The following GDA variants were observed in gnomAD, a reference collection of about 807,000 sequenced individuals.
The protein encoded by GDA is guanine deaminase, also known as cytoplasmic PSD-95 interactor.
In GDA, 18 loss-of-function variants were observed where a neutral mutation model predicts 59.6. That is an observed-to-expected ratio of 0.30 (90% CI 0.21 to 0.45). The LOEUF is 0.45. Ranked by LOEUF, GDA falls within the 20% of genes least tolerant of loss-of-function variation. The probability of loss-of-function intolerance (pLI) is 1.00; values close to 1 mark genes in which losing one functional copy is unlikely to be tolerated. For synonymous variants in GDA, 201 were observed against 201.1 expected (o/e 1.00, Z 0.00); for missense variants, 427 against 552.3 (o/e 0.77, Z 2.27).
chr9:72,123,952 C>T (rs1427922157), intron 1 of GDA, among the ~76,000 whole-genome samples: 3 of 152,020 alleles, frequency 2.0e-5, no homozygotes, highest in Admixed American at 6.6e-5. Flanking sequence ...AGAAGAGGTC[C>T]AAAGACAGTG....
intron 5 of GDA, among the ~76,000 whole-genome samples, chr9:72,218,452 A>C (rs1367524979): frequency 2.0e-5 from 3 of 152,190 alleles, no homozygotes; most frequent in Non-Finnish European, 4.4e-5. Context: ...ATCCCAGCTT[A>C]TCTATTAATC....
At chr9:72,129,962 C>T (rs542073567) in intron 1 of GDA, among the ~76,000 whole-genome samples, 57 of 152,208 alleles carry the variant, frequency 3.7e-4, no homozygotes, top group African/African-American at 1.3e-3. Context: ...GAATTTCATC[C>T]CCTGGAAGTT....
intron 11 of GDA, among the ~76,000 whole-genome samples, chr9:72,244,065 T>C (rs564764551): frequency 6.6e-6 from 1 of 151,708 alleles, no homozygotes; most frequent in Admixed American, 6.6e-5. Flanking sequence ...TAGTCCTAGC[T>C]ACTCGGGAGG....
At chr9:72,235,288 A>T (rs1254595931) in intron 10 of GDA, among the ~76,000 whole-genome samples, 1 of 152,218 alleles carries the variant, frequency 6.6e-6, no homozygotes, top group Non-Finnish European at 1.5e-5. Flanking sequence ...CACTTATTTT[A>T]AAAACTGAGT....
intron 3 of GDA, among the ~76,000 whole-genome samples, chr9:72,206,344 T>C (rs181576554): frequency 6.6e-6 from 1 of 152,302 alleles, no homozygotes; most frequent in East Asian, 1.9e-4. Context: ...CGTCCTATGT[T>C]ATATCATCTG....
At chr9:72,201,043 A>T (rs1055444215) in intron 2 of GDA, among the ~76,000 whole-genome samples, 1 of 152,194 alleles carries the variant, frequency 6.6e-6, no homozygotes, top group South Asian at 2.1e-4. Flanking sequence ...TCTTGTGAAC[A>T]TTACATCATC....
intron 1 of GDA, among the ~76,000 whole-genome samples, chr9:72,185,462 C>G (rs1247721986): frequency 6.6e-6 from 1 of 152,126 alleles, no homozygotes; most frequent in Non-Finnish European, 1.5e-5. Flanking sequence ...GTTTTTTCCC[C>G]CACTTTGGTT....
intron 1 of GDA, among the ~76,000 whole-genome samples, chr9:72,167,145 A>G (rs559949645): frequency 1.3e-5 from 2 of 152,264 alleles, no homozygotes; most frequent in South Asian, 4.1e-4. Context: ...TGTTTAGGAA[A>G]TGACCCCCAG....
At chr9:72,152,562 G>A (rs1827340888) in intron 1 of GDA, among the ~76,000 whole-genome samples, 1 of 152,132 alleles carries the variant, frequency 6.6e-6, no homozygotes, top group Non-Finnish European at 1.5e-5. Flanking sequence ...ATTTTTTCAT[G>A]TGTCTTTTGG....
At chr9:72,132,417 C>T (rs1264055714) in intron 1 of GDA, among the ~76,000 whole-genome samples, 3 of 152,074 alleles carry the variant, frequency 2.0e-5, no homozygotes, top group Non-Finnish European at 4.4e-5. Flanking sequence ...TAGGATGGCT[C>T]CTAGGACCAT....
intron 1 of GDA, among the ~76,000 whole-genome samples, chr9:72,170,887 T>C (rs904276989): frequency 6.6e-6 from 1 of 152,124 alleles, no homozygotes; most frequent in Non-Finnish European, 1.5e-5. Context: ...GCGATCATAG[T>C]TCACTGCAGC....
chr9:72,256,094 C>T (rs551434151), downstream of GDA, among the ~76,000 whole-genome samples: 1 of 152,242 alleles, frequency 6.6e-6, no homozygotes, highest in East Asian at 1.9e-4. Context: ...CTTGGCTGTT[C>T]TCTTATGCTT....
chr9:72,193,715 C>A (rs1832827095), intron 1 of GDA: 1 of 152,334 alleles, frequency 6.6e-6, no homozygotes, highest in Admixed American at 6.5e-5. Context: ...AGGCTTGTAT[C>A]CTTCCCTTCA....
intron 1 of GDA, among the ~76,000 whole-genome samples, chr9:72,166,805 C>T (rs1390322412): frequency 6.6e-6 from 1 of 152,160 alleles, no homozygotes; most frequent in Non-Finnish European, 1.5e-5. Flanking sequence ...CCATACTCAT[C>T]ATTTCCTCTA....
At chr9:72,192,688 T>C (rs531206572) in intron 1 of GDA, among the ~76,000 whole-genome samples, 11 of 151,394 alleles carry the variant, frequency 7.3e-5, no homozygotes, top group African/African-American at 2.2e-4. Context: ...GAGACCATCC[T>C]GGCCAACATT....
At chr9:72,167,544 A>T (rs7027274) in intron 1 of GDA, among the ~76,000 whole-genome samples, 3 of 152,098 alleles carry the variant, frequency 2.0e-5, no homozygotes, top group African/African-American at 7.3e-5. Context: ...AAGTGGTCTA[A>T]GAAGCATAGC....
intron 1 of GDA, among the ~76,000 whole-genome samples, chr9:72,173,487 C>T (rs1460099705): frequency 2.6e-5 from 4 of 151,996 alleles, no homozygotes; most frequent in Non-Finnish European, 5.9e-5. Flanking sequence ...TGTGCCACCA[C>T]GCCCGGCTAA....
intron 1 of GDA, among the ~76,000 whole-genome samples, chr9:72,155,913 G>C (rs762815620): frequency 6.6e-6 from 1 of 152,084 alleles, no homozygotes; most frequent in African/African-American, 2.4e-5. Flanking sequence ...TAATTACTAT[G>C]GTCTACCTAA....
chr9:72,125,978 A>G (rs1825832509), intron 1 of GDA, among the ~76,000 whole-genome samples: 2 of 152,204 alleles, frequency 1.3e-5, no homozygotes, highest in South Asian at 2.1e-4. Context: ...GTGCAGTGCC[A>G]TGATCTCGGC....
Sources: gnomAD v4.1 joint callset for allele counts (sites outside exome capture counted in the v4.1 genomes callset) on GRCh38, gnomAD v4.1.1 for gene constraint, MANE v1.5 for transcripts, NCBI Gene and HGNC (gene_info 2026-07-23, HGNC 2026-07-21) for gene names.